Variants in PCDHA12 observed in about 807,000 individuals in gnomAD.
PCDHA12 encodes protocadherin alpha 12.
Under a neutral mutation model 60.0 loss-of-function variants are expected in PCDHA12, and 44 were observed. That is an observed-to-expected ratio of 0.73 (90% CI 0.58 to 0.94). The LOEUF (loss-of-function observed/expected upper bound fraction) is 0.94, where lower values mean the gene tolerates loss of function less well. Ranked by LOEUF, PCDHA12 falls within the 40% of genes least tolerant of loss-of-function variation. PCDHA12 has a pLI of 0.00. For synonymous variants in PCDHA12, 569 were observed against 553.0 expected (o/e 1.03, Z -0.40); for missense variants, 1,276 against 1,239.7 (o/e 1.03, Z -0.44).
chr5:140,878,800 A>T (rs1324441458), intron 1 of PCDHA12, among the ~76,000 whole-genome samples: 1 of 152,182 alleles, frequency 6.6e-6, no homozygotes, highest in Non-Finnish European at 1.5e-5. Context: ...CTTTTTAAAA[A>T]CATATGGGGG....
intron 2 of PCDHA12, 80 bp downstream of exon 2, chr5:140,979,087 A>C (rs1284249394): frequency 6.4e-7 from 1 of 1,561,170 alleles, no homozygotes; most frequent in Non-Finnish European, 8.7e-7. Flanking sequence ...CATAGGCCAG[A>C]AGCAGCTGTC....
chr5:140,974,394 A>G (rs1554236015), intron 1 of PCDHA12, among the ~76,000 whole-genome samples: 1 of 152,212 alleles, frequency 6.6e-6, no homozygotes, highest in Non-Finnish European at 1.5e-5. Context: ...CCCATTAGGT[A>G]TGTTCTAAAG....
chr5:140,984,340 T>C (rs1224859959), intron 3 of PCDHA12, among the ~76,000 whole-genome samples: 1 of 152,242 alleles, frequency 6.6e-6, no homozygotes, highest in African/African-American at 2.4e-5. Flanking sequence ...ATAGGAACCA[T>C]GTATTGATAT....
intron 1 of PCDHA12, among the ~76,000 whole-genome samples, chr5:140,904,728 T>G (rs1357605257): frequency 6.6e-6 from 1 of 152,198 alleles, no homozygotes; most frequent in Non-Finnish European, 1.5e-5. Flanking sequence ...CCAACATCTA[T>G]TATTTTTTTA....
intron 1 of PCDHA12, chr5:140,968,932 A>C: frequency 6.2e-7 from 1 of 1,614,164 alleles, no homozygotes; most frequent in Non-Finnish European, 8.5e-7. Context: ...TTCTTTTGAC[A>C]ATCATCATTT....
At chr5:140,912,243 AATCTCCTTTGATGAC>A (rs2075829981) in intron 1 of PCDHA12, among the ~76,000 whole-genome samples, 1 of 152,012 alleles carries the variant, frequency 6.6e-6, no homozygotes, top group Admixed American at 6.6e-5. Context: ...CTCAAATGTT[AATCTCCTTTGATGAC>A]ACCCTCACAG....
intron 1 of PCDHA12, chr5:140,883,465 C>T: frequency 6.2e-7 from 1 of 1,614,156 alleles, no homozygotes; most frequent in South Asian, 1.1e-5. Context: ...AGCTGGTGTC[C>T]ACCTACAAGA....
chr5:140,876,976 C>G lies in PCDHA12; in HGVS notation c.1504C>G (p.His502Asp), dbSNP rs782283591. 6 of 1,612,586 alleles carry G rather than the reference C, an allele frequency of 3.7e-6. No homozygotes were observed. In the Admixed American group the frequency reaches 5.0e-5, roughly 13 times the overall value. ...GCTGGTGGAGCGGCGGGTGGGCGAG[C>G]ACGCACTGTCGAGCTACGTGTCGGT... ...YSLVERRVGEHALSSYVSVHA... is the reference protein window; with the variant it reads ...YSLVERRVGEDALSSYVSVHA... Residue 502 changes from histidine to aspartate, a missense_variant, in exon 1 of 4, where the codon CAC becomes GAC. By Grantham distance (81) the His-to-Asp change is moderately conservative (BLOSUM62 -1). Transcript: ENST00000398631.
intron 3 of PCDHA12, among the ~76,000 whole-genome samples, chr5:140,988,382 T>C (rs2097295449): frequency 6.6e-6 from 1 of 152,148 alleles, no homozygotes; most frequent in African/African-American, 2.4e-5. Flanking sequence ...TGAAACTCAT[T>C]GTGTTTGCCA....
Position 140,985,739 on chromosome 5 carries a change from C to CTT in PCDHA12, c.2515+3195_2515+3196dup, listed in dbSNP as rs11372071. 6.5e-3 allele frequency among the ~76,000 whole-genome samples: 761 copies of CTT among 117,902 alleles called. 21 individuals carry two copies. The highest frequency in any genetic ancestry group is 0.054 in the East Asian group (218 of 4,012). The allele number at this position is 117,902 out of a possible 152,430, so 77.3% of individuals were successfully genotyped here. On this transcript the variant is annotated intron_variant, in intron 3 of 3. Transcript: ENST00000398631. ...TTATTTTTCCTTCACTGATGAATTC[C>CTT]TTTTTTTTTTTTTTTTTTTTGAGAC...
At chr5:140,899,193 G>T (rs2153463118) in intron 1 of PCDHA12, among the ~76,000 whole-genome samples, 1 of 151,990 alleles carries the variant, frequency 6.6e-6, no homozygotes, top group Middle Eastern at 3.4e-3. Context: ...TCCTTCTCCT[G>T]CCTAATTGCC....
At position 140,876,051 on chromosome 5, in the gene PCDHA12, A is replaced by G; in HGVS notation, c.579A>G (p.Glu193=). The G allele has an allele frequency of 1.2e-6, 2 of 1,613,956 alleles. No homozygotes were observed. Among genetic ancestry groups the G allele is most frequent in the African/African-American group, 2.7e-5 (2 of 75,066 alleles). The stretch of plus-strand genomic sequence containing the variant: ...AAAAAGATAAAAGTATATTGCCTGA[A>G]TTAGTTCTTCGGAAGTTATTGGACA... ...KTKKDKSILP[E]LVLRKLLDRE... is the part of the protein sequence containing the mutation. Residue 193 remains glutamate, a synonymous_variant, in exon 1 of 4, where the codon GAA becomes GAG. Transcript: ENST00000398631.
At chr5:140,995,653 G>A (rs964259982) in intron 3 of PCDHA12, among the ~76,000 whole-genome samples, 1 of 152,100 alleles carries the variant, frequency 6.6e-6, no homozygotes, top group Non-Finnish European at 1.5e-5. Context: ...AAGGAGAATC[G>A]AAAAGGGAAG....
At chr5:140,958,620 T>C (rs1260968586) in intron 1 of PCDHA12, among the ~76,000 whole-genome samples, 1 of 152,132 alleles carries the variant, frequency 6.6e-6, no homozygotes, top group African/African-American at 2.4e-5. Flanking sequence ...CTAGTCCAGC[T>C]TGAGAGTACT....
chr5:140,926,141 A>T (rs2082938262), intron 1 of PCDHA12, among the ~76,000 whole-genome samples: 1 of 152,038 alleles, frequency 6.6e-6, no homozygotes, highest in Non-Finnish European at 1.5e-5. Context: ...AGCAGGATCC[A>T]GCGCGGAAAG....
chr5:140,922,337 T>C lies in PCDHA12; in HGVS notation c.2367+44498T>C, dbSNP rs150639608. On this transcript the variant is annotated intron_variant, in intron 1 of 3. Transcript: ENST00000398631. ...GAAGATCTTGGAAAGGGTTGGTATA[T>C]TGGTATTTTCTAGAGTAGTGATTCT... Among the ~76,000 whole-genome samples the C allele has an allele frequency of 3.4e-3, 512 of 152,346 alleles. 3 individuals carry two copies. The highest frequency in any genetic ancestry group is 0.012 in the African/African-American group (489 of 41,580).
At chr5:140,905,333 T>A (rs180881008) in intron 1 of PCDHA12, among the ~76,000 whole-genome samples, 2 of 152,324 alleles carry the variant, frequency 1.3e-5, no homozygotes, top group Admixed American at 1.3e-4. Flanking sequence ...TTGTTGAAGA[T>A]CAGTTGGCTG....
chr5:140,883,319 A>C, intron 1 of PCDHA12: 1 of 1,614,126 alleles, frequency 6.2e-7, no homozygotes, highest in Non-Finnish European at 8.5e-7. Context: ...CCCAGAGGTT[A>C]CCATCACTTC....
intron 1 of PCDHA12, among the ~76,000 whole-genome samples, chr5:140,888,663 T>C (rs1278510364): frequency 6.6e-6 from 1 of 152,194 alleles, no homozygotes; most frequent in Non-Finnish European, 1.5e-5. Context: ...CACCACCTAA[T>C]GCCCTGTGCA....
Sources: allele counts gnomAD v4.1 joint callset (sites outside exome capture counted in the v4.1 genomes callset), GRCh38; gene constraint gnomAD v4.1.1; transcripts MANE v1.5; gene names NCBI Gene and HGNC (gene_info 2026-07-23, HGNC 2026-07-21).